Variants in PTPN12 observed in about 807,000 individuals in gnomAD.
The protein encoded by PTPN12 is protein tyrosine phosphatase non-receptor type 12, also known as tyrosine-protein phosphatase non-receptor type 12.
A neutral mutation model predicts 97.6 loss-of-function variants in PTPN12; 29 were observed. That is an observed-to-expected ratio of 0.30 (90% CI 0.22 to 0.41). PTPN12 has a LOEUF of 0.41. Among genes scored for constraint, PTPN12 ranks in the 10% least tolerant of loss-of-function variants. The pLI is 1.00. For missense variants in PTPN12, 819 were observed against 926.0 expected (o/e 0.88, Z 1.50); for synonymous variants, 327 against 300.4 (o/e 1.09, Z -0.91).
intron 13 of PTPN12, among the ~76,000 whole-genome samples, chr7:77,629,136 A>G (rs1789306953): frequency 6.6e-6 from 1 of 151,910 alleles, no homozygotes; most frequent in Non-Finnish European, 1.5e-5. Flanking sequence ...TTTTTAGTAG[A>G]GACAGGGTTT....
At chr7:77,550,718 G>C (rs117152581) in intron 1 of PTPN12, among the ~76,000 whole-genome samples, 2,792 of 152,330 alleles carry the variant, frequency 0.018, 34 homozygotes, top group Middle Eastern at 0.071. Flanking sequence ...TTTGTGGGTA[G>C]AAAAGGACTC....
At chr7:77,617,521 G>A (rs1711564001) in intron 11 of PTPN12, among the ~76,000 whole-genome samples, 1 of 152,172 alleles carries the variant, frequency 6.6e-6, no homozygotes, top group Admixed American at 6.5e-5. Flanking sequence ...TGTCATGATG[G>A]ACATAGTAGA....
chr7:77,615,455 A>T (rs1159624688), intron 11 of PTPN12, among the ~76,000 whole-genome samples: 1 of 152,252 alleles, frequency 6.6e-6, no homozygotes, highest in African/African-American at 2.4e-5. Context: ...AAACAAGAGA[A>T]CACAGGCTAG....
chr7:77,572,850 C>T (rs1316908822), intron 2 of PTPN12, among the ~76,000 whole-genome samples: 3 of 152,092 alleles, frequency 2.0e-5, no homozygotes, highest in African/African-American at 2.4e-5. Context: ...TTTGGGAGGC[C>T]GAGACTGGTG....
intron 8 of PTPN12, among the ~76,000 whole-genome samples, chr7:77,604,442 T>G (rs540162002): frequency 1.3e-5 from 2 of 151,910 alleles, no homozygotes; most frequent in South Asian, 4.2e-4. Flanking sequence ...CTTGAACTCC[T>G]GACCTCAGGT....
At chr7:77,541,524 C>T (rs1354052791) in intron 1 of PTPN12, among the ~76,000 whole-genome samples, 2 of 152,154 alleles carry the variant, frequency 1.3e-5, no homozygotes, top group Non-Finnish European at 1.5e-5. Flanking sequence ...TTCACTGTTG[C>T]ATAAGATAGC....
At chr7:77,573,845 C>G (rs1787245650) in intron 2 of PTPN12, among the ~76,000 whole-genome samples, 1 of 152,228 alleles carries the variant, frequency 6.6e-6, no homozygotes, top group South Asian at 2.1e-4. Context: ...ACTATAACCT[C>G]TGCCTACCAG....
intron 8 of PTPN12, among the ~76,000 whole-genome samples, chr7:77,606,414 T>G (rs1332802360): frequency 6.6e-6 from 1 of 152,186 alleles, no homozygotes; most frequent in East Asian, 1.9e-4. Flanking sequence ...TTTTTCTTTT[T>G]GAGATGAAGT....
chr7:77,600,974 G>A (rs1009006207), intron 8 of PTPN12, 168 bp downstream of exon 8: 11 of 579,658 alleles, frequency 1.9e-5, no homozygotes, highest in East Asian at 2.9e-5. Context: ...TTGACAGACC[G>A]TTTAGAGTAT....
intron 1 of PTPN12, among the ~76,000 whole-genome samples, chr7:77,569,046 A>G (rs977448059): frequency 1.3e-5 from 2 of 152,092 alleles, no homozygotes; most frequent in Non-Finnish European, 2.9e-5. Context: ...TTTACGTTCA[A>G]TTTTTTGAAC....
intron 6 of PTPN12, among the ~76,000 whole-genome samples, chr7:77,594,308 C>T (rs1228066746): frequency 1.3e-5 from 2 of 151,990 alleles, no homozygotes; most frequent in African/African-American, 2.4e-5. Context: ...TTTTTAAAAA[C>T]GTTAAAAATC....
At chr7:77,573,580 G>A (rs1787235920) in intron 2 of PTPN12, among the ~76,000 whole-genome samples, 1 of 152,184 alleles carries the variant, frequency 6.6e-6, no homozygotes, top group Non-Finnish European at 1.5e-5. Context: ...TCAGACCATA[G>A]CACCAGTCTG....
intron 12 of PTPN12, among the ~76,000 whole-genome samples, chr7:77,623,539 T>C (rs1187215211): frequency 3.3e-5 from 5 of 152,168 alleles, no homozygotes; most frequent in African/African-American, 1.2e-4. Context: ...GGCGAAACCC[T>C]GTCTCTACTA....
chr7:77,606,688 T>C (rs1788383531), intron 8 of PTPN12, among the ~76,000 whole-genome samples: 1 of 152,372 alleles, frequency 6.6e-6, no homozygotes, highest in South Asian at 2.1e-4. Context: ...GTAAACACTT[T>C]GTAAGTTTTA....
At chr7:77,573,097 C>CAAAAAAAAA (rs1383453267) in intron 2 of PTPN12, among the ~76,000 whole-genome samples, 1 of 48,504 alleles carries the variant, frequency 2.1e-5, no homozygotes, top group Non-Finnish European at 3.6e-5. Context: ...AAAAAAAAAA[C>CAAAAAAAAA]AAAAAAACAA....
chr7:77,582,930 T>A (rs1448810591), intron 3 of PTPN12, among the ~76,000 whole-genome samples: 3 of 152,248 alleles, frequency 2.0e-5, no homozygotes, highest in Non-Finnish European at 4.4e-5. Context: ...GATAGTTTGC[T>A]ATTTCAGATG....
At chr7:77,611,296 A>G (rs1038495756) in intron 11 of PTPN12, among the ~76,000 whole-genome samples, 2 of 152,238 alleles carry the variant, frequency 1.3e-5, no homozygotes, top group African/African-American at 4.8e-5. Context: ...CAAAAATCAT[A>G]TAATTCGTTA....
intron 12 of PTPN12, among the ~76,000 whole-genome samples, chr7:77,626,240 T>C (rs776857964): frequency 2.0e-5 from 3 of 152,098 alleles, no homozygotes; most frequent in Non-Finnish European, 2.9e-5. Context: ...AGATACGAAA[T>C]CATGGTGTCA....
intron 1 of PTPN12, chr7:77,538,113 A>AC (rs1175793806): frequency 1.0e-6 from 1 of 989,008 alleles, no homozygotes; most frequent in African/African-American, 1.7e-5. Context: ...TGAGGTTGGC[A>AC]CTAACTCCTG....
Sources: gnomAD v4.1 joint callset for allele counts (sites outside exome capture counted in the v4.1 genomes callset) on GRCh38, gnomAD v4.1.1 for gene constraint, MANE v1.5 for transcripts, NCBI Gene and HGNC (gene_info 2026-07-23, HGNC 2026-07-21) for gene names.